GRID1: variants seen among roughly 807,000 people sequenced by gnomAD.
GRID1 encodes the protein glutamate ionotropic receptor delta type subunit 1.
A neutral mutation model predicts 98.0 loss-of-function variants in GRID1; 28 were observed. The ratio of observed to expected loss-of-function variants is 0.29; its 90% CI spans 0.21 to 0.39. The LOEUF (loss-of-function observed/expected upper bound fraction) is 0.39, where lower values mean the gene tolerates loss of function less well. GRID1 is among the 10% of genes least tolerant of loss of function. The pLI, the probability that GRID1 is intolerant of heterozygous loss-of-function variation, is 1.00. For missense variants in GRID1, 1,111 were observed against 1,340.5 expected, an observed-to-expected ratio of 0.83 and a Z score of 2.67; for synonymous variants, 553 against 538.5, an observed-to-expected ratio of 1.03 and a Z score of -0.37.
intron 4 of GRID1, among the ~76,000 whole-genome samples, chr10:86,016,007 A>C (rs1842975359): frequency 6.6e-6 from 1 of 152,086 alleles, no homozygotes. Flanking sequence ...TGCCACATAG[A>C]CAGGGAAGTT....
intron 8 of GRID1, among the ~76,000 whole-genome samples, chr10:85,797,468 TGCCCA>T (rs1215007222): frequency 1.3e-5 from 2 of 152,134 alleles, no homozygotes; most frequent in Non-Finnish European, 2.9e-5. Flanking sequence ...TTGCTCTTAT[TGCCCA>T]GGCTGGAGTG....
chr10:85,901,083 A>AT, intron 5 of GRID1, among the ~76,000 whole-genome samples: 1 of 152,356 alleles, frequency 6.6e-6, no homozygotes, highest in South Asian at 2.1e-4. Flanking sequence ...ACGCGGATTC[A>AT]TAACAAGTAA....
At chr10:86,026,299 G>A (rs892597438) in intron 4 of GRID1, among the ~76,000 whole-genome samples, 5 of 152,174 alleles carry the variant, frequency 3.3e-5, no homozygotes, top group South Asian at 2.1e-4. Context: ...TCTTACAAGC[G>A]CAGAAATGCT....
At chr10:85,700,803 C>G (rs535630851) in intron 12 of GRID1, among the ~76,000 whole-genome samples, 1 of 152,206 alleles carries the variant, frequency 6.6e-6, no homozygotes, top group South Asian at 2.1e-4. Context: ...TCTTTAGAAG[C>G]AGAGATTTAG....
intron 8 of GRID1, among the ~76,000 whole-genome samples, chr10:85,811,343 C>T (rs1243074945): frequency 1.3e-5 from 2 of 152,094 alleles, no homozygotes; most frequent in Non-Finnish European, 2.9e-5. Flanking sequence ...AGCAAGGAAA[C>T]ATGACACCTC....
At chr10:85,997,520 A>G (rs1842754242) in intron 4 of GRID1, among the ~76,000 whole-genome samples, 2 of 152,230 alleles carry the variant, frequency 1.3e-5, no homozygotes, top group Admixed American at 1.3e-4. Context: ...AGTACACTAT[A>G]AAAACGTAAG....
chr10:85,607,954 A>G (rs1216103396), intron 15 of GRID1, among the ~76,000 whole-genome samples: 1 of 151,842 alleles, frequency 6.6e-6, no homozygotes, highest in African/African-American at 2.4e-5. Flanking sequence ...AGTAGCTCGG[A>G]CTACAGTCAC....
intron 3 of GRID1, among the ~76,000 whole-genome samples, chr10:86,161,161 C>T (rs1845316293): frequency 6.6e-6 from 1 of 152,116 alleles, no homozygotes; most frequent in African/African-American, 2.4e-5. Context: ...CCCCGGTGAC[C>T]CAAAGAACTA....
chr10:85,822,256 C>T (rs1353837562), intron 8 of GRID1, among the ~76,000 whole-genome samples: 1 of 152,158 alleles, frequency 6.6e-6, no homozygotes, highest in Non-Finnish European at 1.5e-5. Flanking sequence ...AGGCAACCTA[C>T]AGAATGGGAG....
intron 4 of GRID1, among the ~76,000 whole-genome samples, chr10:86,008,936 A>G (rs1489692475): frequency 6.6e-6 from 1 of 152,190 alleles, no homozygotes; most frequent in East Asian, 1.9e-4. Flanking sequence ...AACACAGTTC[A>G]CAATAGCAAA....
intron 4 of GRID1, among the ~76,000 whole-genome samples, chr10:85,984,288 G>C (rs1251869903): frequency 6.6e-6 from 1 of 152,220 alleles, no homozygotes; most frequent in African/African-American, 2.4e-5. Flanking sequence ...ACGAGAAAGA[G>C]ACATAACAGT....
At chr10:86,275,345 T>C (rs1847253248) in intron 2 of GRID1, among the ~76,000 whole-genome samples, 1 of 150,008 alleles carries the variant, frequency 6.7e-6, no homozygotes, top group African/African-American at 2.5e-5. Flanking sequence ...TATTCAGAAG[T>C]CCTTTTTTAA....
intron 2 of GRID1, among the ~76,000 whole-genome samples, chr10:86,292,903 TGA>T (rs1564730859): frequency 6.6e-6 from 1 of 152,028 alleles, no homozygotes; most frequent in African/African-American, 2.4e-5. Flanking sequence ...AGTGTGGGTG[TGA>T]GTGAGGGTGT....
At chr10:85,862,035 T>C (rs1391514919) in intron 6 of GRID1, among the ~76,000 whole-genome samples, 1 of 152,210 alleles carries the variant, frequency 6.6e-6, no homozygotes, top group Admixed American at 6.5e-5. Flanking sequence ...AGAGCCCCAG[T>C]TGCTGTTGTC....
At chr10:85,783,734 T>C (rs760641081) in intron 8 of GRID1, among the ~76,000 whole-genome samples, 1 of 152,066 alleles carries the variant, frequency 6.6e-6, no homozygotes, top group Admixed American at 6.6e-5. Flanking sequence ...CACAGACAAA[T>C]AGGCAATCAG....
intron 4 of GRID1, among the ~76,000 whole-genome samples, chr10:85,947,553 C>G (rs1273804881): frequency 6.6e-6 from 1 of 152,234 alleles, no homozygotes; most frequent in Admixed American, 6.5e-5. Context: ...GTGGTCACCA[C>G]AGACCCACAA....
Position 85,658,967 on chromosome 10 carries a change from T to C in GRID1, c.1998-11570A>G, listed in dbSNP as rs1490894165. Among the ~76,000 whole-genome samples, 7 of 152,344 alleles carry C rather than the reference T, an allele frequency of 4.6e-5. No individual in the cohort carries two copies. The South Asian group carries it at 1.2e-3, about 27-fold the overall frequency. ...GTCCATAAAATACTTAGAGGATTGT[T>C]ATAACTGAGTTTTTGTGGAAGTGCA... is the stretch of plus-strand genomic sequence containing the variant. On this transcript the variant is annotated intron_variant, in intron 12 of 15. Coordinates refer to ENST00000327946, the MANE Select transcript of GRID1 (RefSeq NM_017551.3).
chr10:86,265,836 A>C (rs1847095189), intron 2 of GRID1, among the ~76,000 whole-genome samples: 1 of 152,128 alleles, frequency 6.6e-6, no homozygotes, highest in Non-Finnish European at 1.5e-5. Flanking sequence ...TCATTTTGCA[A>C]CTTTCCCCAG....
intron 4 of GRID1, among the ~76,000 whole-genome samples, chr10:85,990,921 G>A (rs985528182): frequency 2.6e-5 from 4 of 151,990 alleles, no homozygotes; most frequent in African/African-American, 9.7e-5. Context: ...TAACTTTAAG[G>A]TCACTTTTAA....
Sources: gnomAD v4.1 joint callset for allele counts (sites outside exome capture counted in the v4.1 genomes callset) on GRCh38, gnomAD v4.1.1 for gene constraint, MANE v1.5 for transcripts, NCBI Gene and HGNC (gene_info 2026-07-23, HGNC 2026-07-21) for gene names.